Variants in REPS2 observed in about 807,000 individuals in gnomAD.
The protein encoded by REPS2 is ralBP1-associated Eps domain-containing protein 2.
In REPS2, 23 loss-of-function variants were observed where a neutral mutation model predicts 53.6. The observed-to-expected ratio is 0.43, with a 90% CI of 0.31 to 0.61. REPS2 has a LOEUF of 0.61. Among genes scored for constraint, REPS2 ranks in the 20% least tolerant of loss-of-function variants. The pLI, the probability that REPS2 is intolerant of heterozygous loss-of-function variation, is 0.11. For synonymous variants in REPS2, 238 were observed against 218.6 expected, an observed-to-expected ratio of 1.09 and a Z score of -0.78; for missense variants, 446 against 534.9, an observed-to-expected ratio of 0.83 and a Z score of 1.64.
chrX:17,016,418 A>G (rs1316668165), intron 2 of REPS2, among the ~76,000 whole-genome samples: 1 of 111,357 alleles, frequency 9.0e-6, no homozygotes, highest in Non-Finnish European at 1.9e-5. Context: ...TTTATTTTTT[A>G]TTTTTGAGAC....
intron 1 of REPS2, among the ~76,000 whole-genome samples, chrX:16,950,984 T>C (rs1205834963): frequency 8.9e-6 from 1 of 112,259 alleles, no homozygotes; most frequent in Non-Finnish European, 1.9e-5. Flanking sequence ...AGTTCAAGGT[T>C]ATAGTGAACT....
chrX:16,958,423 C>T (rs1383043338), intron 1 of REPS2, among the ~76,000 whole-genome samples: 4 of 111,357 alleles, frequency 3.6e-5, no homozygotes, highest in African/African-American at 1.3e-4. Flanking sequence ...GGCTATGTAT[C>T]ACTTAGGGTC....
chrX:17,038,506 A>G (rs189822311), intron 5 of REPS2, among the ~76,000 whole-genome samples: 341 of 108,499 alleles, frequency 3.1e-3, no homozygotes, highest in Non-Finnish European at 5.1e-3. Flanking sequence ...GTCAGCTCCA[A>G]CCAGATCCAC....
the REPS2 span, among the ~76,000 whole-genome samples, chrX:17,182,923 A>G: frequency 8.9e-6 from 1 of 112,532 alleles, no homozygotes; most frequent in African/African-American, 3.2e-5. Context: ...TGAAATTTGA[A>G]TCTGGCAGAC....
rs1197091922 is a variant in REPS2, at chrX:17,022,170, C to T, written c.445C>T (p.Arg149Ter). 4.1e-6 allele frequency: 5 copies of T among 1,206,648 alleles called. No homozygotes were observed. Among genetic ancestry groups the T allele is most frequent in the East Asian group, 3.0e-5 (1 of 33,741 alleles). ...GATGTCAAAGAATGATGGTGAGATA[C>T]GATTTGGGAACCCAGCTGAGCTGCA... is the stretch of plus-strand genomic sequence containing the variant. ...FMMSKNDGEI[R>*]FGNPAELHGT... The change falls in exon 3 of 18, where the codon CGA (arginine) becomes TGA (stop). Residue 149 changes from arginine to a stop codon, truncating the protein, a stop_gained. Transcript: ENST00000357277. LOFTEE classifies it high-confidence loss of function.
intron 5 of REPS2, among the ~76,000 whole-genome samples, chrX:17,045,274 A>G (rs996972401): frequency 1.8e-5 from 2 of 110,666 alleles, no homozygotes; most frequent in Non-Finnish European, 3.8e-5. Context: ...AAAAAAATTC[A>G]GATAGATGCA....
At chrX:17,100,141 A>G in intron 13 of REPS2, 5 of 717,542 alleles carry the variant, frequency 7.0e-6, no homozygotes, top group Non-Finnish European at 1.1e-5. Context: ...GGTCAGGGCA[A>G]TCCAAGTTCT....
chrX:16,975,487 TC>T (rs769135410), intron 1 of REPS2, among the ~76,000 whole-genome samples: 10 of 111,915 alleles, frequency 8.9e-5, no homozygotes, highest in Non-Finnish European at 1.5e-4. Flanking sequence ...GGTTTTTTTT[TC>T]ATCTGCTCGT....
chrX:17,058,953 A>T (rs1274763454), intron 8 of REPS2, among the ~76,000 whole-genome samples: 4 of 104,907 alleles, frequency 3.8e-5, no homozygotes, highest in Non-Finnish European at 7.9e-5. Flanking sequence ...GATCCTATTC[A>T]TTTTTTTGTT....
At chrX:17,074,853 CAT>C (rs1364865479) in intron 12 of REPS2, among the ~76,000 whole-genome samples, 1 of 111,325 alleles carries the variant, frequency 9.0e-6, no homozygotes, top group Non-Finnish European at 1.9e-5. Flanking sequence ...ACGAGGATAC[CAT>C]GTGTGTGTTT....
At chrX:17,056,681 T>G (rs1363664552) in intron 8 of REPS2, among the ~76,000 whole-genome samples, 1 of 76,368 alleles carries the variant, frequency 1.3e-5, no homozygotes, top group East Asian at 4.7e-4. Flanking sequence ...GGAGAAAGAG[T>G]GAGACTCTGT....
the REPS2 span, among the ~76,000 whole-genome samples, chrX:17,172,836 A>G: frequency 9.0e-6 from 1 of 111,569 alleles, no homozygotes; most frequent in Non-Finnish European, 1.9e-5. Flanking sequence ...ACACTTGAAT[A>G]TTTTATTTAG....
At chrX:17,192,053 AACAAGT>A in the REPS2 span, among the ~76,000 whole-genome samples, 2 of 112,298 alleles carry the variant, frequency 1.8e-5, no homozygotes, top group African/African-American at 6.5e-5. Context: ...AAATAGAAAC[AACAAGT>A]GCATGTATTA....
chrX:17,192,407 A>G, the REPS2 span, among the ~76,000 whole-genome samples: 1 of 111,940 alleles, frequency 8.9e-6, no homozygotes, highest in Non-Finnish European at 1.9e-5. Context: ...CCAATCTCTC[A>G]TTTGGTTTCC....
In REPS2 at chrX:16,965,862, C is replaced by T. The variant is rs958447294; in HGVS notation, c.273+18728C>T. Among the ~76,000 whole-genome samples the T allele has an allele frequency of 5.7e-4, 64 of 112,972 alleles. 1 individual carries two copies. The highest frequency in any genetic ancestry group is 9.0e-4 in the Non-Finnish European group (48 of 53,242). The stretch of plus-strand genomic sequence containing the variant: ...CGAGACTCCGTCTGCAATCCCGGCA[C>T]CTCGGGAGGCCGAGGCTGGCGGGTC... On this transcript the variant is annotated intron_variant, in intron 1 of 17. Coordinates refer to ENST00000357277, the MANE Select transcript of REPS2 (RefSeq NM_004726.3).
chrX:16,953,100 AACACACACACAC>A (rs68090119), intron 1 of REPS2, among the ~76,000 whole-genome samples: 3,684 of 97,213 alleles, frequency 0.038, 121 homozygotes, highest in African/African-American at 0.1. Flanking sequence ...CCAAAAAACA[AACACACACACAC>A]ACACACACAC....
chrX:16,978,566 G>A, intron 1 of REPS2: 1 of 752,381 alleles, frequency 1.3e-6, no homozygotes, highest in Non-Finnish European at 1.6e-6. Context: ...GCTCTAAAAG[G>A]AGGAGCAGTT....
At chrX:16,978,513 T>A (rs2060984014) in intron 1 of REPS2, 1 of 734,074 alleles carries the variant, frequency 1.4e-6, no homozygotes, top group African/African-American at 2.4e-5. Flanking sequence ...TTTCTTTTTT[T>A]TTTTGTTGAG....
the REPS2 span, among the ~76,000 whole-genome samples, chrX:17,167,856 A>G: frequency 9.1e-6 from 1 of 110,349 alleles, no homozygotes; most frequent in Non-Finnish European, 1.9e-5. Flanking sequence ...GTAGTTCAGC[A>G]GGGGAGATTA....
Sources: allele counts gnomAD v4.1 joint callset (sites outside exome capture counted in the v4.1 genomes callset), GRCh38; gene constraint gnomAD v4.1.1; transcripts MANE v1.5; gene names NCBI Gene and HGNC (gene_info 2026-07-23, HGNC 2026-07-21).